Variants in RIT2 observed in about 807,000 individuals in gnomAD.
The protein encoded by RIT2 is Ras like without CAAX 2.
A neutral mutation model predicts 23.7 loss-of-function variants in RIT2; 24 were observed. That is an observed-to-expected ratio of 1.01 (90% confidence interval 0.73 to 1.43). The LOEUF (loss-of-function observed/expected upper bound fraction) is 1.43, where lower values mean the gene tolerates loss of function less well. Among genes scored for constraint, RIT2 ranks in the 40% most tolerant of loss-of-function variants. RIT2 has a pLI of 0.00. For synonymous variants in RIT2, 107 were observed against 91.1 expected (o/e 1.17, Z -0.99); for missense variants, 236 against 266.9 (o/e 0.88, Z 0.81).
At chr18:43,084,949 G>C (rs1293280387) in intron 1 of RIT2, among the ~76,000 whole-genome samples, 1 of 152,056 alleles carries the variant, frequency 6.6e-6, no homozygotes, top group African/African-American at 2.4e-5. Context: ...GAGGGTTTCT[G>C]TAGCCTGCAC....
chr18:42,969,402 T>C (rs1240332801), intron 3 of RIT2, among the ~76,000 whole-genome samples: 1 of 152,162 alleles, frequency 6.6e-6, no homozygotes, highest in Non-Finnish European at 1.5e-5. Context: ...AGAAGAATTA[T>C]ATAAAAATTA....
intron 1 of RIT2, among the ~76,000 whole-genome samples, chr18:43,106,564 G>C (rs1221832066): frequency 6.6e-6 from 1 of 152,162 alleles, no homozygotes; most frequent in Non-Finnish European, 1.5e-5. Flanking sequence ...TCCTGGGACT[G>C]CAAATATAGT....
intron 4 of RIT2, among the ~76,000 whole-genome samples, chr18:42,831,581 C>A (rs1377563413): frequency 6.6e-6 from 1 of 151,954 alleles, no homozygotes; most frequent in Non-Finnish European, 1.5e-5. Flanking sequence ...TGTTTGAGGT[C>A]TTAAAGGAGA....
chr18:42,994,962 C>T (rs890750983), intron 2 of RIT2, among the ~76,000 whole-genome samples: 1 of 152,088 alleles, frequency 6.6e-6, no homozygotes, highest in East Asian at 1.9e-4. Flanking sequence ...CACATTATTC[C>T]GGATACCACA....
chr18:42,760,757 T>C (rs934036335), intron 4 of RIT2, among the ~76,000 whole-genome samples: 11 of 152,232 alleles, frequency 7.2e-5, no homozygotes, highest in African/African-American at 2.7e-4. Flanking sequence ...GGCCATTTGC[T>C]TCTTATGCAC....
rs189234416 is a variant in RIT2, at chr18:42,888,213, C to A, written c.426+35359G>T. Among the ~76,000 whole-genome samples the A allele has an allele frequency of 4.5e-4, 68 of 150,422 alleles. 1 individual carries two copies. Among genetic ancestry groups the A allele is most frequent in the Non-Finnish European group, 7.4e-5 (5 of 67,650 alleles). ...GTTTGTAACGAATATACCACTGTGG[C>A]GGGGGATTTTAATTGTGTGGGGGAA... is the stretch of plus-strand genomic sequence containing the variant. On this transcript the variant is annotated intron_variant, in intron 4 of 4. Coordinates refer to ENST00000326695, the MANE Select transcript of RIT2 (RefSeq NM_002930.4).
intron 4 of RIT2, among the ~76,000 whole-genome samples, chr18:42,834,772 C>T (rs1477876265): frequency 6.6e-6 from 1 of 152,114 alleles, no homozygotes; most frequent in Non-Finnish European, 1.5e-5. Context: ...AACAATATCA[C>T]AGTCCAATAA....
intron 4 of RIT2, among the ~76,000 whole-genome samples, chr18:42,795,135 C>G (rs948947753): frequency 9.2e-5 from 14 of 152,216 alleles, no homozygotes; most frequent in Non-Finnish European, 2.1e-4. Context: ...TGCCTGGGCT[C>G]CCACTTTGGC....
At chr18:43,005,976 C>T (rs553488312) in intron 2 of RIT2, among the ~76,000 whole-genome samples, 103 of 151,778 alleles carry the variant, frequency 6.8e-4, no homozygotes, top group Non-Finnish European at 1.2e-3. Flanking sequence ...AGAAAGCTCC[C>T]TCAATGCTTC....
chr18:43,080,479 C>T (rs1356857696), intron 1 of RIT2, among the ~76,000 whole-genome samples: 1 of 152,134 alleles, frequency 6.6e-6, no homozygotes, highest in Non-Finnish European at 1.5e-5. Flanking sequence ...CTTAGACATC[C>T]AGCCCATGGC....
At chr18:42,890,881 A>G (rs773433300) in intron 4 of RIT2, among the ~76,000 whole-genome samples, 1 of 152,144 alleles carries the variant, frequency 6.6e-6, no homozygotes, top group Non-Finnish European at 1.5e-5. Context: ...GTTGATCGGC[A>G]TATAATTCTA....
chr18:42,837,474 T>TTAA (rs1555641180), intron 4 of RIT2, among the ~76,000 whole-genome samples: 5 of 149,298 alleles, frequency 3.3e-5, no homozygotes, highest in Non-Finnish European at 7.4e-5. Context: ...GCCTCTTTTT[T>TTAA]AAAAAAAAAA....
At chr18:42,749,482 A>G (rs1912995838) in intron 4 of RIT2, among the ~76,000 whole-genome samples, 1 of 151,902 alleles carries the variant, frequency 6.6e-6, no homozygotes, top group African/African-American at 2.4e-5. Context: ...ATAAGTAAGT[A>G]AAATAGAAAA....
At chr18:42,787,464 T>G (rs1401776147) in intron 4 of RIT2, among the ~76,000 whole-genome samples, 1 of 151,918 alleles carries the variant, frequency 6.6e-6, no homozygotes, top group Admixed American at 6.6e-5. Context: ...AAACACTCAA[T>G]GCAGAAAGAA....
chr18:43,016,084 T>C (rs1911467774), intron 2 of RIT2, among the ~76,000 whole-genome samples: 2 of 151,826 alleles, frequency 1.3e-5, no homozygotes, highest in African/African-American at 2.4e-5. Flanking sequence ...AAAATGCTAC[T>C]ATCCAGCTTC....
intron 4 of RIT2, among the ~76,000 whole-genome samples, chr18:42,807,935 T>C (rs1272835891): frequency 6.6e-6 from 1 of 152,156 alleles, no homozygotes; most frequent in African/African-American, 2.4e-5. Context: ...CTGATTATCC[T>C]GGCTTATAGA....
chr18:42,873,241 AT>A (rs1907663666), intron 4 of RIT2, among the ~76,000 whole-genome samples: 1 of 152,158 alleles, frequency 6.6e-6, no homozygotes. Flanking sequence ...AAATGTAACT[AT>A]ATTTATTTGC....
At chr18:43,059,203 C>G (rs1387791655) in intron 1 of RIT2, among the ~76,000 whole-genome samples, 1 of 151,976 alleles carries the variant, frequency 6.6e-6, no homozygotes, top group Non-Finnish European at 1.5e-5. Context: ...GTCTTTCTTG[C>G]AAGCGTTTTA....
intron 1 of RIT2, among the ~76,000 whole-genome samples, chr18:43,075,084 ACT>A (rs766915620): frequency 5.2e-4 from 79 of 151,978 alleles, no homozygotes; most frequent in Non-Finnish European, 8.2e-4. Flanking sequence ...ATTTTAAAAG[ACT>A]CTTTTAAAAA....
Sources: gnomAD v4.1 joint callset for allele counts (sites outside exome capture counted in the v4.1 genomes callset) on GRCh38, gnomAD v4.1.1 for gene constraint, MANE v1.5 for transcripts, NCBI Gene and HGNC (gene_info 2026-07-23, HGNC 2026-07-21) for gene names.